Variants in ERAP2 observed in about 807,000 individuals in gnomAD.
ERAP2 encodes the protein endoplasmic reticulum aminopeptidase 2, also known as leukocyte-derived arginine aminopeptidase.
A neutral mutation model predicts 111.1 loss-of-function variants in ERAP2; 118 were observed. The ratio of observed to expected loss-of-function variants is 1.06; its 90% confidence interval spans 0.92 to 1.24. The LOEUF is 1.24. ERAP2 is among the 50% of genes most tolerant of loss of function. The probability of loss-of-function intolerance (pLI) is 0.00; values close to 1 mark genes in which losing one functional copy is unlikely to be tolerated. For synonymous variants in ERAP2, 410 were observed against 401.2 expected (o/e 1.02, Z -0.26); for missense variants, 1,131 against 1,125.8 (o/e 1.00, Z -0.07).
chr5:96,892,261 A>G (rs763094519), intron 5 of ERAP2, 38 bp from the exon 6 acceptor site: 3 of 1,605,828 alleles, frequency 1.9e-6, no homozygotes, highest in Non-Finnish European at 2.6e-6. Context: ...CTGGTGTGGG[A>G]GCCATAAAAC....
At chr5:96,897,008 C>T (rs1387823901) in intron 9 of ERAP2, 145 bp downstream of exon 9, 1 of 249,578 alleles carries the variant, frequency 4.0e-6, no homozygotes, top group Non-Finnish European at 5.4e-6. Flanking sequence ...GAAGGCAGCA[C>T]TTCCCTTTTT....
intron 18 of ERAP2, among the ~76,000 whole-genome samples, 179 bp from the exon 19 acceptor site, chr5:96,917,283 T>C (rs1472641502): frequency 1.3e-5 from 2 of 152,028 alleles, no homozygotes; most frequent in African/African-American, 4.8e-5. Flanking sequence ...ATTTTTGTTG[T>C]TGTTGTTGTT....
rs567042121 is a variant in ERAP2 at position 96,912,393 on chromosome 5, AG to A, written c.2355-242del. ...CAACTTTCTATTTTCACCTCAGAGT[AG>A]GTTAAAATTTTATGCTTATTTTCTT... On this transcript the variant is annotated intron_variant, in intron 15 of 18. Coordinates refer to ENST00000437043, the MANE Select transcript of ERAP2 (RefSeq NM_022350.5). Among the ~76,000 whole-genome samples, 213 of 152,238 alleles carry A rather than the reference AG, an allele frequency of 1.4e-3. 3 individuals carry two copies. Among genetic ancestry groups the A allele is most frequent in the Middle Eastern group, 0.014 (4 of 294 alleles).
chr5:96,916,174 T>A (rs1042403177), intron 18 of ERAP2, among the ~76,000 whole-genome samples: 3 of 150,536 alleles, frequency 2.0e-5, no homozygotes, highest in Non-Finnish European at 2.9e-5. Flanking sequence ...TGAGCTGAGA[T>A]CACACCACTG....
intron 15 of ERAP2, among the ~76,000 whole-genome samples, chr5:96,912,402 T>C (rs1786899542): frequency 6.6e-6 from 1 of 152,170 alleles, no homozygotes; most frequent in Admixed American, 6.5e-5. Flanking sequence ...TAGGTTAAAA[T>C]TTTATGCTTA....
rs574603935 is a variant in ERAP2, at chr5:96,895,242, C to T, written c.1126-4C>T. On this transcript the variant is annotated splice_polypyrimidine_tract_variant and splice_region_variant and intron_variant, in intron 6 of 18. Coordinates refer to ENST00000437043, the MANE Select transcript of ERAP2 (RefSeq NM_022350.5). ...TCTAATAATATTGAGTTTTTACCTCCTAGTGGTTTGGCAACCTGGTCACAA... is the reference window on the plus strand; with the variant it reads ...TCTAATAATATTGAGTTTTTACCTCTTAGTGGTTTGGCAACCTGGTCACAA... 2 of 1,579,196 alleles carry T rather than the reference C, an allele frequency of 1.3e-6. No homozygotes were observed. Among genetic ancestry groups the T allele is most frequent in the African/African-American group, 1.4e-5 (1 of 73,878 alleles).
rs1259368695 is a variant in ERAP2 at position 96,887,108 on chromosome 5, C to CAT, written c.849+320_849+321insTA. 6.9e-4 allele frequency among the ~76,000 whole-genome samples: 95 copies of CAT among 138,596 alleles called. 1 individual carries two copies. Among genetic ancestry groups the CAT allele is most frequent in the African/African-American group, 2.4e-3 (89 of 36,444 alleles). 90.9% of individuals were successfully genotyped at this position (138,596 alleles called of 152,430 possible). On this transcript the variant is annotated intron_variant, in intron 4 of 18. Transcript: ENST00000437043. ...ATATATATATATATATATACACACA[C>CAT]ACACACACACACACACACATACATA...
At chr5:96,891,528 G>GTA (rs201109800) in intron 5 of ERAP2, among the ~76,000 whole-genome samples, 930 of 37,190 alleles carry the variant, frequency 0.025, 30 homozygotes, top group East Asian at 0.17. Context: ...CCCATATACG[G>GTA]TATATATACA....
intron 15 of ERAP2, among the ~76,000 whole-genome samples, chr5:96,911,261 C>T (rs1219430251): frequency 6.6e-6 from 1 of 152,174 alleles, no homozygotes; most frequent in Non-Finnish European, 1.5e-5. Context: ...ACAATCTCTA[C>T]CATATGGTCA....
At chr5:96,903,354 C>T in intron 12 of ERAP2, 23 bp from the exon 13 acceptor site, 1 of 1,572,160 alleles carries the variant, frequency 6.4e-7, no homozygotes, top group African/African-American at 1.4e-5. Context: ...AATAAAATGC[C>T]TATGCCAATC....
chr5:96,913,494 T>C (rs566572897), intron 17 of ERAP2, 37 bp downstream of exon 17: 3 of 1,610,244 alleles, frequency 1.9e-6, no homozygotes, highest in Admixed American at 3.3e-5. Flanking sequence ...TGTTCTTCCA[T>C]GCAGATGTCT....
chr5:96,876,078 C>G (rs911963366), upstream of ERAP2: 1 of 152,414 alleles, frequency 6.6e-6, no homozygotes, highest in Non-Finnish European at 1.5e-5. Context: ...AGAAGCTGCC[C>G]GGGAGGTGTT....
chr5:96,909,171 C>T, intron 14 of ERAP2, 54 bp downstream of exon 14: 1 of 1,552,728 alleles, frequency 6.4e-7, no homozygotes, highest in South Asian at 1.1e-5. Flanking sequence ...TCTGGAGTAT[C>T]AGTCAGGCTC....
chr5:96,894,409 T>G (rs1307158722), intron 6 of ERAP2, among the ~76,000 whole-genome samples: 3 of 152,180 alleles, frequency 2.0e-5, no homozygotes, highest in Non-Finnish European at 4.4e-5. Context: ...ACTTATAATT[T>G]TCTGTTCTGT....
At chr5:96,905,852 ACT>A (rs969889929) in intron 13 of ERAP2, among the ~76,000 whole-genome samples, 18 of 152,110 alleles carry the variant, frequency 1.2e-4, no homozygotes, top group African/African-American at 4.1e-4. Flanking sequence ...ACCGAATAAT[ACT>A]CTGTCTCAAA....
chr5:96,899,660 T>G (rs1377710055), intron 9 of ERAP2, among the ~76,000 whole-genome samples: 1 of 152,226 alleles, frequency 6.6e-6, no homozygotes, highest in African/African-American at 2.4e-5. Context: ...ATAGCCACTG[T>G]AGGAATACCT....
At chr5:96,916,578 C>T (rs1787424295) in intron 18 of ERAP2, among the ~76,000 whole-genome samples, 1 of 150,898 alleles carries the variant, frequency 6.6e-6, no homozygotes, top group South Asian at 2.1e-4. Flanking sequence ...ATTCTCCTGC[C>T]TCAGCCTCCC....
intron 3 of ERAP2, among the ~76,000 whole-genome samples, chr5:96,886,063 C>T (rs1466999023): frequency 6.6e-6 from 1 of 152,234 alleles, no homozygotes; most frequent in Non-Finnish European, 1.5e-5. Context: ...TCTTTGGAGT[C>T]ACACGGTCAC....
chr5:96,889,537 A>G, intron 5 of ERAP2: 1 of 693,074 alleles, frequency 1.4e-6, no homozygotes, highest in Non-Finnish European at 2.6e-6. Context: ...TAACGTTAAC[A>G]TATCTGCATC....
Sources: allele counts gnomAD v4.1 joint callset (sites outside exome capture counted in the v4.1 genomes callset), GRCh38; gene constraint gnomAD v4.1.1; transcripts MANE v1.5; gene names NCBI Gene and HGNC (gene_info 2026-07-23, HGNC 2026-07-21).